Variants in WWOX observed in about 807,000 individuals in gnomAD.
WWOX encodes WW domain-containing oxidoreductase.
WWOX carries 69 observed loss-of-function variants against 46.2 expected under a neutral mutation model. The ratio of observed to expected loss-of-function variants is 1.49; its 90% CI spans 1.23 to 1.82. The LOEUF (loss-of-function observed/expected upper bound fraction) is 1.82, where lower values mean the gene tolerates loss of function less well. Among genes scored for constraint, WWOX ranks in the 40% most tolerant of loss-of-function variants. WWOX has a pLI of 0.00. For missense variants in WWOX, 919 were observed against 542.6 expected, an observed-to-expected ratio of 1.69 and a Z score of -6.89; for synonymous variants, 359 against 202.6, an observed-to-expected ratio of 1.77 and a Z score of -6.56.
intron 8 of WWOX, among the ~76,000 whole-genome samples, chr16:79,089,479 A>C (rs560159262): frequency 6.6e-6 from 1 of 151,882 alleles, no homozygotes; most frequent in Non-Finnish European, 1.5e-5. Context: ...CTACAGGCAC[A>C]CGCCACCACG....
chr16:79,182,232 G>T (rs527753275), intron 8 of WWOX, among the ~76,000 whole-genome samples: 91 of 151,882 alleles, frequency 6.0e-4, no homozygotes, highest in African/African-American at 2.2e-3. Flanking sequence ...TTAGCATCTG[G>T]GGCTGTACAC....
At position 78,863,626 on chromosome 16, in the gene WWOX, C is replaced by T. The variant is rs183467910; in HGVS notation, c.1057-347982C>T. Among the ~76,000 whole-genome samples, 97 of 152,224 alleles carry T rather than the reference C, an allele frequency of 6.4e-4. No individual in the cohort carries two copies. In the East Asian group the frequency reaches 0.016, roughly 26 times the overall value. ...ACCATAAGCTGTATTCAGGCAGGCA[C>T]GAAGTCTCTTATTTACTCAGTGTTT... On this transcript the variant is annotated intron_variant, in intron 8 of 8. Coordinates refer to ENST00000566780, the MANE Select transcript of WWOX (RefSeq NM_016373.4).
At chr16:78,448,516 G>A (rs1165100944) in intron 8 of WWOX, among the ~76,000 whole-genome samples, 1 of 152,058 alleles carries the variant, frequency 6.6e-6, no homozygotes, top group Non-Finnish European at 1.5e-5. Context: ...CAAAAGAATG[G>A]GGTCTTATCC....
chr16:78,775,250 C>T (rs945613823), intron 8 of WWOX, among the ~76,000 whole-genome samples: 2 of 152,144 alleles, frequency 1.3e-5, no homozygotes, highest in African/African-American at 4.8e-5. Context: ...CCAATAATAT[C>T]ACAAAACAAA....
At chr16:78,216,497 C>G (rs544614242) in intron 5 of WWOX, among the ~76,000 whole-genome samples, 1 of 150,888 alleles carries the variant, frequency 6.6e-6, no homozygotes, top group African/African-American at 2.4e-5. Context: ...GTTGGCATTT[C>G]TTTCTGGAGG....
intron 5 of WWOX, among the ~76,000 whole-genome samples, chr16:78,274,977 G>A (rs2079550038): frequency 1.3e-5 from 2 of 152,052 alleles, no homozygotes; most frequent in Non-Finnish European, 2.9e-5. Flanking sequence ...AATTTCCTGT[G>A]CTTCTGGTTC....
chr16:78,357,983 G>A (rs58156953), intron 5 of WWOX, among the ~76,000 whole-genome samples: 16,036 of 152,202 alleles, frequency 0.11, 1,258 homozygotes, highest in East Asian at 0.3. Flanking sequence ...CTGGGGACCT[G>A]TTGCCGGAGA....
At chr16:78,907,706 G>T (rs564576186) in intron 8 of WWOX, among the ~76,000 whole-genome samples, 14 of 152,302 alleles carry the variant, frequency 9.2e-5, no homozygotes, top group African/African-American at 3.4e-4. Context: ...AGACAGTTGG[G>T]TAAGTTACTA....
intron 8 of WWOX, among the ~76,000 whole-genome samples, chr16:78,440,525 A>G (rs764377810): frequency 2.6e-5 from 4 of 152,078 alleles, no homozygotes; most frequent in Non-Finnish European, 5.9e-5. Context: ...AGCACTCCTT[A>G]TGTGTTGAAT....
chr16:78,490,074 G>C (rs1237037397), intron 8 of WWOX, among the ~76,000 whole-genome samples: 1 of 152,032 alleles, frequency 6.6e-6, no homozygotes, highest in Non-Finnish European at 1.5e-5. Context: ...GTTTATTAGA[G>C]ACAATTTCTA....
chr16:79,147,695 T>C (rs776847237), intron 8 of WWOX, among the ~76,000 whole-genome samples: 8 of 152,216 alleles, frequency 5.3e-5, no homozygotes, highest in Admixed American at 1.3e-4. Flanking sequence ...TATTTTACAT[T>C]TCCACCAGCA....
chr16:78,261,599 C>T (rs1042573578), intron 5 of WWOX, among the ~76,000 whole-genome samples: 1 of 149,388 alleles, frequency 6.7e-6, no homozygotes, highest in Non-Finnish European at 1.5e-5. Context: ...TCCTTTTAAC[C>T]TTAGGAAAAA....
intron 8 of WWOX, among the ~76,000 whole-genome samples, chr16:78,929,923 C>T (rs1053759908): frequency 1.3e-5 from 2 of 152,102 alleles, no homozygotes; most frequent in East Asian, 1.9e-4. Context: ...AAGAGGTACA[C>T]GGTAGTTCAG....
intron 7 of WWOX, among the ~76,000 whole-genome samples, chr16:78,425,799 G>A (rs1408346421): frequency 6.6e-6 from 1 of 152,124 alleles, no homozygotes; most frequent in African/African-American, 2.4e-5. Flanking sequence ...TGCTTGGTGT[G>A]TGTTTGGCGG....
At chr16:78,541,836 C>T (rs1362652338) in intron 8 of WWOX, among the ~76,000 whole-genome samples, 1 of 151,924 alleles carries the variant, frequency 6.6e-6, no homozygotes, top group African/African-American at 2.4e-5. Flanking sequence ...TTTACTGTTT[C>T]TGGTTTTCTG....
chr16:78,186,706 A>G (rs1048714165), intron 5 of WWOX, among the ~76,000 whole-genome samples: 2 of 152,252 alleles, frequency 1.3e-5, no homozygotes, highest in Non-Finnish European at 2.9e-5. Flanking sequence ...CAGAGGTTGC[A>G]GTGAGCCAAG....
chr16:78,924,064 A>C (rs1244133010), intron 8 of WWOX, among the ~76,000 whole-genome samples: 3 of 151,746 alleles, frequency 2.0e-5, no homozygotes, highest in Admixed American at 6.6e-5. Flanking sequence ...GATTCCACCC[A>C]CCTTGGCCTC....
intron 8 of WWOX, among the ~76,000 whole-genome samples, chr16:78,607,870 G>C (rs1293672991): frequency 6.6e-6 from 1 of 152,094 alleles, no homozygotes; most frequent in Non-Finnish European, 1.5e-5. Flanking sequence ...GCAGGGCTTA[G>C]GGTACAAGAG....
chr16:78,515,532 G>T (rs911696721), intron 8 of WWOX, among the ~76,000 whole-genome samples: 2 of 152,170 alleles, frequency 1.3e-5, no homozygotes, highest in Non-Finnish European at 2.9e-5. Context: ...TAGGTGACTT[G>T]CATGTTGTCT....
Sources: allele counts gnomAD v4.1 joint callset (sites outside exome capture counted in the v4.1 genomes callset), GRCh38; gene constraint gnomAD v4.1.1; transcripts MANE v1.5; gene names NCBI Gene and HGNC (gene_info 2026-07-23, HGNC 2026-07-21).